FBN3: variants seen among roughly 807,000 people sequenced by gnomAD.
FBN3 encodes the protein fibrillin 3.
In FBN3, 234 loss-of-function variants were observed where a neutral mutation model predicts 330.1. That is an observed-to-expected ratio of 0.71 (90% CI 0.64 to 0.79). The LOEUF is 0.79. Ranked by LOEUF, FBN3 falls within the 30% of genes least tolerant of loss-of-function variation. The probability of loss-of-function intolerance (pLI) is 0.00; values close to 1 mark genes in which losing one functional copy is unlikely to be tolerated. For synonymous variants in FBN3, 1,458 were observed against 1,517.3 expected, an observed-to-expected ratio of 0.96 and a Z score of 0.91; for missense variants, 3,606 against 3,886.9, an observed-to-expected ratio of 0.93 and a Z score of 1.92.
chr19:8,120,519 C>T (rs2082821485), intron 25 of FBN3, among the ~76,000 whole-genome samples: 1 of 151,704 alleles, frequency 6.6e-6, no homozygotes, highest in African/African-American at 2.4e-5. Context: ...GACAGGGTCT[C>T]ACTCTGTCAC....
In FBN3 at chr19:8,109,314, C is replaced by T. The variant is rs375346374; in HGVS notation, c.4531G>A (p.Gly1511Arg). 1.9e-5 allele frequency: 31 copies of T among 1,614,116 alleles called. No homozygotes were observed. Among genetic ancestry groups the T allele is most frequent in the African/African-American group, 5.3e-5 (4 of 74,942 alleles). Residue 1511 changes from glycine (G) to arginine (R), a missense_variant, in exon 36 of 64, where the codon GGA becomes AGA. Physicochemically the swap from Gly to Arg is moderately radical, Grantham distance 125. Transcript: ENST00000600128. This position sits in a 1 kb window ranked among gnomAD's most constrained non-coding sequence, Gnocchi z 5.2. ...CAGGAAGCTCGGGTGACACCAACTC[C>T]GATCTCGGCACTGCAGGAAATGCCA... ...DSGISCSAEIGVGVTRASCCC... is the reference protein window; with the variant it reads ...DSGISCSAEIRVGVTRASCCC...
At position 8,085,383 on chromosome 19, in the gene FBN3, C is replaced by T; in HGVS notation, c.7067G>A (p.Gly2356Asp). Residue 2356 changes from glycine (G) to aspartate (D), a missense_variant, in exon 56 of 64, where the codon GGC (glycine) becomes GAC (aspartate). Physicochemically the swap from Gly to Asp is moderately conservative, Grantham distance 94. Coordinates refer to ENST00000600128, the MANE Select transcript of FBN3 (RefSeq NM_032447.5). ...CCCACCTCGGCCCTCAGCAGTGTAG[C>T]CTGAGCCATGGGGGCACAGCTTCCT... Reference protein sequence around the residue: ...AYRKLCPHGSGYTAEGRDVDE... With the variant: ...AYRKLCPHGSDYTAEGRDVDE... 6.3e-7 allele frequency: 1 copy of T among 1,580,574 alleles called. No homozygotes were observed. Among genetic ancestry groups the T allele is most frequent in the East Asian group, 2.3e-5 (1 of 43,570 alleles).
Position 8,085,220 on chromosome 19 carries a change from GACACACACACAC to G in FBN3, c.7087+131_7087+142del, listed in dbSNP as rs35473068. ...TGGTTCTCATATCTGCTAGCACAAA[GACACACACACAC>G]ACACACACACACACACACACACACA... On this transcript the variant is annotated intron_variant, in intron 56 of 63. Transcript: ENST00000600128. 2,810 of 545,732 alleles carry G rather than the reference GACACACACACAC, an allele frequency of 5.1e-3. 41 individuals carry two copies. The highest frequency in any genetic ancestry group is 0.042 in the African/African-American group (2,087 of 49,406). The allele number at this position is 545,732 out of a possible 1,614,324, so 33.8% of individuals were successfully genotyped here.
At chr19:8,097,522 A>G in intron 41 of FBN3, 108 bp from the exon 42 acceptor site, 2 of 1,215,672 alleles carry the variant, frequency 1.6e-6, no homozygotes, top group Non-Finnish European at 1.1e-6. Flanking sequence ...TGTTGTGGCC[A>G]CAAACCAGCA....
chr19:8,066,127 A>G lies in FBN3; in HGVS notation c.8222T>C (p.Ile2741Thr), dbSNP rs2081384615. ...EGLEGRIRYV[I>T]VRGNEQGFFR... The stretch of plus-strand genomic sequence containing the variant: ...GAAACCTTGCTCGTTTCCGCGGACG[A>G]TGACGTAGCGGATCCGGCCCTCTAG... Residue 2741 changes from isoleucine to threonine, a missense_variant, in exon 64 of 64, where the codon ATC (isoleucine) becomes ACC (threonine). By Grantham distance (89) the Ile-to-Thr change is moderately conservative. Coordinates refer to ENST00000600128, the MANE Select transcript of FBN3 (RefSeq NM_032447.5). The G allele has an allele frequency of 1.9e-6, 3 of 1,613,428 alleles. No homozygotes were observed. The highest frequency in any genetic ancestry group is 2.5e-6 in the Non-Finnish European group (3 of 1,179,996).
Position 8,072,140 on chromosome 19 carries a change from C to T in FBN3, c.7996G>A (p.Glu2666Lys). 6.2e-7 allele frequency: 1 copy of T among 1,605,774 alleles called. No individual in the cohort carries two copies. The highest frequency in any genetic ancestry group is 2.2e-5 in the East Asian group (1 of 44,580). ...TAGCAGGCTTCAGACGAGAGCAGCTCCTCTTTGTCCGGGGTGTCCTGGGGT... is the reference window on the plus strand; with the variant it reads ...TAGCAGGCTTCAGACGAGAGCAGCTTCTCTTTGTCCGGGGTGTCCTGGGGT... ...PGPQDTPDKE[E>K]LLSSEACYEC... Residue 2666 changes from glutamate to lysine, a missense_variant, in exon 63 of 64, where the codon GAG (glutamate) becomes AAG (lysine). Transcript: ENST00000600128.
rs187608932 is a variant in FBN3, at chr19:8,143,111, T to C, written c.542-974A>G. The stretch of plus-strand genomic sequence containing the variant: ...CTGACGCCACCCACTCCGGTTCTCT[T>C]TCTCTTTCTCAGCCTCCTGTGGGCT... On this transcript the variant is annotated intron_variant, in intron 6 of 63. Transcript: ENST00000600128. Among the ~76,000 whole-genome samples the C allele has an allele frequency of 3.3e-3, 505 of 152,190 alleles. 3 individuals carry two copies. The highest frequency in any genetic ancestry group is 0.011 in the African/African-American group (446 of 41,546).
Position 8,141,985 on chromosome 19 carries a change from AG to A in FBN3, c.693del (p.Cys232AlafsTer174), listed in dbSNP as rs1167526438. ...ATATTGGGGATGAAGCCGCGGCGGCAGGGGTGTGGCTGTGCAGGGCAAAGTT... is the reference window on the plus strand; with the variant it reads ...ATATTGGGGATGAAGCCGCGGCGGCAGGGTGTGGCTGTGCAGGGCAAAGTT... ...PCELCPAQPHPCRRGFIPNIH... is the reference protein window; with the variant it reads ...PCELCPAQPHXCRRGFIPNIH... On this transcript the variant is annotated frameshift_variant, in exon 7 of 64. Transcript: ENST00000600128. LOFTEE classifies it high-confidence loss of function. The A allele has an allele frequency of 6.2e-7, 1 of 1,614,228 alleles. No individual in the cohort carries two copies. The highest frequency in any genetic ancestry group is 1.7e-5 in the Admixed American group (1 of 60,032).
chr19:8,121,673 C>T lies in FBN3; in HGVS notation c.3083-287G>A, dbSNP rs566348714. ...CAAGGGCAGGCAGTTTTCTCACAGA[C>T]GGGAGTTCTCCATTTTCTTTATTTT... On this transcript the variant is annotated intron_variant, in intron 24 of 63. Transcript: ENST00000600128. This position sits in a 1 kb window ranked among gnomAD's most constrained non-coding sequence, Gnocchi z 4.5. 2.6e-5 allele frequency among the ~76,000 whole-genome samples: 4 copies of T among 152,130 alleles called. No homozygotes were observed. Among genetic ancestry groups the T allele is most frequent in the Non-Finnish European group, 5.9e-5 (4 of 68,020 alleles).
rs1363715822 is a variant in FBN3, at chr19:8,072,974, T to TGTGC, written c.7937+88_7937+89insGCAC. On this transcript the variant is annotated intron_variant, in intron 62 of 63. Coordinates refer to ENST00000600128, the MANE Select transcript of FBN3 (RefSeq NM_032447.5). ...TGGCATGCACAAAGCCCCGTGTGTG[T>TGTGC]GTGTGTGTGTGTGTGTGTGTGTGTG... 80 of 552,696 alleles carry TGTGC rather than the reference T, an allele frequency of 1.4e-4. No individual in the cohort carries two copies. In the African/African-American group the frequency reaches 2.4e-3, roughly 17 times the overall value. 34.2% of individuals were successfully genotyped at this position (552,696 alleles called of 1,614,324 possible).
chr19:8,079,368 G>A (rs907438670), intron 59 of FBN3, among the ~76,000 whole-genome samples: 6 of 152,082 alleles, frequency 3.9e-5, no homozygotes, highest in African/African-American at 1.2e-4. Flanking sequence ...AGTGAGCTGC[G>A]ATCACATTGC....
At position 8,072,617 on chromosome 19, in the gene FBN3, C is replaced by T. The variant is rs960126818; in HGVS notation, c.7938-419G>A. On this transcript the variant is annotated intron_variant, in intron 62 of 63. Coordinates refer to ENST00000600128, the MANE Select transcript of FBN3 (RefSeq NM_032447.5). ...AGTGTGAGCACTCACAGATGGCTGA[C>T]GCGTGCTTCCTCACCTGTGCAAACC... is the stretch of plus-strand genomic sequence containing the variant. 5.3e-5 allele frequency among the ~76,000 whole-genome samples: 8 copies of T among 152,118 alleles called. No individual in the cohort carries two copies. The South Asian group carries it at 1.0e-3, about 20-fold the overall frequency.
chr19:8,073,777 T>C (rs538078821), intron 61 of FBN3, among the ~76,000 whole-genome samples: 1 of 152,298 alleles, frequency 6.6e-6, no homozygotes, highest in South Asian at 2.1e-4. Context: ...CGTCCTGGGC[T>C]CAAGGGATCC....
chr19:8,145,997 T>C, intron 4 of FBN3, 59 bp from the exon 5 acceptor site: 1 of 1,508,754 alleles, frequency 6.6e-7, no homozygotes, highest in East Asian at 2.5e-5. Flanking sequence ...GATGCCCTCC[T>C]AGGAAGGCTG....
chr19:8,107,578 TG>T (rs2144800777), intron 37 of FBN3, among the ~76,000 whole-genome samples: 1 of 141,754 alleles, frequency 7.1e-6, no homozygotes, highest in African/African-American at 2.7e-5. Context: ...GATGGATGGA[TG>T]GATGGAGGGA....
Position 8,110,887 on chromosome 19 carries a change from T to TG in FBN3, c.4290dup (p.Asn1431GlnfsTer32). On this transcript the variant is annotated frameshift_variant, in exon 34 of 64. Coordinates refer to ENST00000600128, the MANE Select transcript of FBN3 (RefSeq NM_032447.5). LOFTEE classifies it high-confidence loss of function. ...CCTCGGTCCAGTTCGTAGCCACCATTGCAGATGCAGCGGAACATTCCAGGC... is the reference window on the plus strand; with the variant it reads ...CCTCGGTCCAGTTCGTAGCCACCATTGGCAGATGCAGCGGAACATTCCAGGC... The TG allele has an allele frequency of 6.2e-7, 1 of 1,614,232 alleles. No individual in the cohort carries two copies. Among genetic ancestry groups the TG allele is most frequent in the Non-Finnish European group, 8.5e-7 (1 of 1,180,044 alleles).
chr19:8,091,403 G>A (rs967456544), intron 48 of FBN3, 62 bp downstream of exon 48: 2 of 1,584,776 alleles, frequency 1.3e-6, no homozygotes, highest in Non-Finnish European at 1.7e-6. Context: ...CTCTTTTCTG[G>A]GCAATCTGAC....
At chr19:8,140,978 G>A (rs1424200143) in intron 8 of FBN3, among the ~76,000 whole-genome samples, 3 of 151,538 alleles carry the variant, frequency 2.0e-5, no homozygotes, top group Non-Finnish European at 4.4e-5. Flanking sequence ...GGATCACGAG[G>A]TCAGGAGATC....
chr19:8,126,788 G>T lies in FBN3; in HGVS notation c.2341C>A (p.Arg781=). 6.3e-7 allele frequency: 1 copy of T among 1,590,428 alleles called. No individual in the cohort carries two copies. Among genetic ancestry groups the T allele is most frequent in the Non-Finnish European group, 8.5e-7 (1 of 1,170,082 alleles). ...CAGGTGTAGGAGCCGGCCAGGTTCC[G>T]ACAGACGCCACTCACACACGGGCTG... ...LSSPCVSGVC[R]NLAGSYTCKC... is the part of the protein sequence containing the mutation. The change falls in exon 19 of 64, where the codon CGG becomes AGG. Residue 781 remains arginine (R), a synonymous_variant. Transcript: ENST00000600128.
Sources: allele counts gnomAD v4.1 joint callset (sites outside exome capture counted in the v4.1 genomes callset), GRCh38; gene constraint gnomAD v4.1.1; non-coding constraint Gnocchi (gnomAD v3.1); transcripts MANE v1.5; gene names NCBI Gene and HGNC (gene_info 2026-07-23, HGNC 2026-07-21).